LCP1: variants seen among roughly 807,000 people sequenced by gnomAD.
LCP1 encodes plastin-2.
LCP1 carries 23 observed loss-of-function variants against 72.0 expected under a neutral mutation model. That is an observed-to-expected ratio of 0.32 (90% CI 0.23 to 0.45). The LOEUF (loss-of-function observed/expected upper bound fraction) is 0.45. Among genes scored for constraint, LCP1 ranks in the 20% least tolerant of loss-of-function variants. The pLI is 1.00. For synonymous variants in LCP1, 245 were observed against 275.4 expected, an observed-to-expected ratio of 0.89 and a Z score of 1.09; for missense variants, 571 against 748.3, an observed-to-expected ratio of 0.76 and a Z score of 2.76.
chr13:46,176,902 T>TGA (rs3033096), intron 1 of LCP1, among the ~76,000 whole-genome samples: 33,487 of 150,694 alleles, frequency 0.22, 4,737 homozygotes, highest in East Asian at 0.31. Context: ...TGTGTGTGTG[T>TGA]GAGAGAGCGA....
intron 1 of LCP1, among the ~76,000 whole-genome samples, chr13:46,173,974 CT>C (rs1389491736): frequency 1.3e-5 from 2 of 152,232 alleles, no homozygotes; most frequent in Non-Finnish European, 2.9e-5. Context: ...TGGGCAACAT[CT>C]CCTCTCTGTC....
intron 4 of LCP1, among the ~76,000 whole-genome samples, chr13:46,158,266 A>G (rs895332448): frequency 3.9e-5 from 6 of 152,178 alleles, no homozygotes; most frequent in Non-Finnish European, 7.3e-5. Flanking sequence ...TTTTGTCCAT[A>G]AGATTTAGAA....
Position 46,163,157 on chromosome 13 carries a change from A to C in LCP1, c.-24-3471T>G, listed in dbSNP as rs1440565850. ...AGGTGTACCCAACAGCTCATTGAGA[A>C]CGGGCCAGGATGACAATGGCGGTTT... On this transcript the variant is annotated intron_variant, in intron 1 of 15. Coordinates refer to ENST00000323076, the MANE Select transcript of LCP1 (RefSeq NM_002298.5). Among the ~76,000 whole-genome samples, 13 of 152,356 alleles carry C rather than the reference A, an allele frequency of 8.5e-5. 1 individual carries two copies. The highest frequency in any genetic ancestry group is 8.5e-4 in the Admixed American group (13 of 15,314).
chr13:46,158,454 T>G (rs1260428401), intron 4 of LCP1, 68 bp downstream of exon 4: 2 of 1,559,506 alleles, frequency 1.3e-6, no homozygotes, highest in Non-Finnish European at 1.7e-6. Flanking sequence ...TTACATCCCT[T>G]AGGTTTGAAT....
intron 7 of LCP1, among the ~76,000 whole-genome samples, 159 bp from the exon 8 acceptor site, chr13:46,151,237 A>C (rs192796925): frequency 1.3e-5 from 2 of 152,184 alleles, no homozygotes; most frequent in East Asian, 3.8e-4. Flanking sequence ...TAAATATTTT[A>C]TTATTATTCC....
At chr13:46,160,722 C>T (rs2045832879) in intron 1 of LCP1, among the ~76,000 whole-genome samples, 2 of 152,092 alleles carry the variant, frequency 1.3e-5, no homozygotes, top group African/African-American at 4.8e-5. Context: ...TCTCCATGCC[C>T]CTAGCTAATC....
At chr13:46,159,388 A>C in intron 2 of LCP1, 3 of 577,058 alleles carry the variant, frequency 5.2e-6, no homozygotes, top group Non-Finnish European at 9.2e-6. Context: ...AAACTATGTA[A>C]GAGTAGAGTC....
At chr13:46,153,146 G>T in intron 6 of LCP1, 1 of 488,820 alleles carries the variant, frequency 2.0e-6, no homozygotes, top group Non-Finnish European at 3.6e-6. Flanking sequence ...GACCACTCAT[G>T]CAGTGGTCCA....
intron 9 of LCP1, among the ~76,000 whole-genome samples, chr13:46,147,583 T>A (rs1191168331): frequency 6.6e-6 from 1 of 152,230 alleles, no homozygotes. Context: ...GTCTCCACAT[T>A]GAGTTGGTAT....
intron 1 of LCP1, among the ~76,000 whole-genome samples, chr13:46,164,036 G>T (rs1273285348): frequency 6.6e-6 from 1 of 152,198 alleles, no homozygotes; most frequent in Non-Finnish European, 1.5e-5. Context: ...TAAGCCAGGT[G>T]CTATTCTTCA....
At position 46,127,424 on chromosome 13, in the gene LCP1, T is replaced by A. The variant is rs1405622601; in HGVS notation, c.*167A>T. 1.4e-6 allele frequency: 1 copy of A among 733,038 alleles called. No homozygotes were observed. 45.4% of individuals were successfully genotyped at this position (733,038 alleles called of 1,614,324 possible). ...GGGCCTCCTGCAAAGAATGAAGCAC[T>A]TTTTGTTAAATACAGGAGAGGCTAC... On this transcript the variant is annotated 3_prime_UTR_variant, in exon 16 of 16. Coordinates refer to ENST00000323076, the MANE Select transcript of LCP1 (RefSeq NM_002298.5).
rs77809591 is a variant in LCP1, at chr13:46,137,657, T to G, written c.1503-3407A>C. On this transcript the variant is annotated intron_variant, in intron 13 of 15. Coordinates refer to ENST00000323076, the MANE Select transcript of LCP1 (RefSeq NM_002298.5). ...TTTGGCCTGTGTCTTTCTAGATTTT[T>G]CCTTTTGAGATAATTACTGCATATT... Among the ~76,000 whole-genome samples, 36 of 152,384 alleles carry G rather than the reference T, an allele frequency of 2.4e-4. No homozygotes were observed. The East Asian group carries it at 4.2e-3, about 18-fold the overall frequency.
chr13:46,134,536 A>C (rs2045652508), intron 13 of LCP1, among the ~76,000 whole-genome samples: 1 of 152,198 alleles, frequency 6.6e-6, no homozygotes, highest in Admixed American at 6.5e-5. Flanking sequence ...AAATGCAAGG[A>C]AAGGAAAATG....
At chr13:46,158,726 C>T in intron 3 of LCP1, 75 bp from the exon 4 acceptor site, 7 of 1,603,916 alleles carry the variant, frequency 4.4e-6, no homozygotes, top group Admixed American at 1.7e-5. Flanking sequence ...TATGTAATGT[C>T]GAAGCAAGGA....
intron 6 of LCP1, among the ~76,000 whole-genome samples, chr13:46,154,401 C>A (rs978853339): frequency 6.6e-6 from 1 of 152,198 alleles, no homozygotes; most frequent in Admixed American, 6.5e-5. Flanking sequence ...TTATTATACT[C>A]GTGGCTGTGG....
chr13:46,168,704 A>G (rs913810209), intron 1 of LCP1, among the ~76,000 whole-genome samples: 2 of 152,200 alleles, frequency 1.3e-5, no homozygotes, highest in Non-Finnish European at 2.9e-5. Context: ...GTCATCTACT[A>G]TTTTGTTAAA....
chr13:46,154,208 C>T (rs767707753), intron 6 of LCP1, among the ~76,000 whole-genome samples: 7 of 152,112 alleles, frequency 4.6e-5, no homozygotes, highest in Non-Finnish European at 7.3e-5. Flanking sequence ...TTTTAAAGTA[C>T]ACAAGGTTGC....
chr13:46,163,958 T>C (rs2045862208), intron 1 of LCP1, among the ~76,000 whole-genome samples: 1 of 152,232 alleles, frequency 6.6e-6, no homozygotes, highest in Admixed American at 6.5e-5. Flanking sequence ...GACCTCTTGG[T>C]TCATAGGTGT....
At chr13:46,137,839 A>T (rs2138226213) in intron 13 of LCP1, among the ~76,000 whole-genome samples, 1 of 152,350 alleles carries the variant, frequency 6.6e-6, no homozygotes, top group Non-Finnish European at 1.5e-5. Context: ...TCCTTCAACA[A>T]GAGAGTTGAT....
Sources: gnomAD v4.1 joint callset for allele counts (sites outside exome capture counted in the v4.1 genomes callset) on GRCh38, gnomAD v4.1.1 for gene constraint, MANE v1.5 for transcripts, NCBI Gene and HGNC (gene_info 2026-07-23, HGNC 2026-07-21) for gene names.